Variants in C3orf33 observed in about 807,000 individuals in gnomAD.
The protein encoded by C3orf33 is AP-1 activity suppressor.
Under a neutral mutation model 28.7 loss-of-function variants are expected in C3orf33, and 23 were observed. That is an observed-to-expected ratio of 0.80 (90% confidence interval 0.58 to 1.13). The LOEUF (loss-of-function observed/expected upper bound fraction) is 1.13. Ranked by LOEUF, C3orf33 falls within the 50% of genes most tolerant of loss-of-function variation. C3orf33 has a pLI of 0.00. For missense variants in C3orf33, 327 were observed against 353.4 expected (o/e 0.93, Z 0.60); for synonymous variants, 119 against 120.5 (o/e 0.99, Z 0.08).
At chr3:155,783,721 C>T (rs1261899418) in intron 2 of C3orf33, among the ~76,000 whole-genome samples, 1 of 152,126 alleles carries the variant, frequency 6.6e-6, no homozygotes, top group African/African-American at 2.4e-5. Context: ...CCCGCTTTGG[C>T]CTCCCAAAGT....
chr3:155,792,548 G>A (rs573097293), intron 2 of C3orf33, among the ~76,000 whole-genome samples: 1 of 152,156 alleles, frequency 6.6e-6, no homozygotes, highest in South Asian at 2.1e-4. Context: ...GAGAATATTC[G>A]AAATGGCTGT....
In C3orf33 at chr3:155,769,881, T is replaced by G. The variant is rs1314035050; in HGVS notation, c.323-2212A>C. Among the ~76,000 whole-genome samples, 7 of 152,358 alleles carry G rather than the reference T, an allele frequency of 4.6e-5. No homozygotes were observed. In the East Asian group the frequency reaches 1.4e-3, roughly 29 times the overall value. On this transcript the variant is annotated intron_variant, in intron 3 of 4. Transcript: ENST00000340171. Reference sequence around the variant, plus strand: ...GAGCCTCTCTTCTTATTTGGTGCTCTTTCCTCTGATTGATCCCCAACCTCC... The same window carrying G: ...GAGCCTCTCTTCTTATTTGGTGCTCGTTCCTCTGATTGATCCCCAACCTCC...
intron 2 of C3orf33, among the ~76,000 whole-genome samples, chr3:155,776,988 T>C (rs1016138342): frequency 3.9e-5 from 6 of 152,062 alleles, no homozygotes; most frequent in African/African-American, 1.4e-4. Flanking sequence ...ATAAAATATA[T>C]AGACTATTTG....
rs1750270186 is a variant in C3orf33, at chr3:155,762,642, TAA to T, written c.*873_*874del. ...TAAAGCATAAAGAATTCCTTTATTA[TAA>T]ATAGTGAAAGGTAATAAAACTGGAA... On this transcript the variant is annotated 3_prime_UTR_variant, in exon 5 of 5. Coordinates refer to ENST00000340171, the MANE Select transcript of C3orf33 (RefSeq NM_001308229.2). 3 of 152,298 alleles carry T rather than the reference TAA, an allele frequency of 2.0e-5. No homozygotes were observed. In the South Asian group the frequency reaches 6.2e-4, roughly 32 times the overall value. The allele number at this position is 152,298 out of a possible 1,614,324, so 9.4% of individuals were successfully genotyped here.
intron 2 of C3orf33, among the ~76,000 whole-genome samples, chr3:155,791,744 T>A (rs956328784): frequency 4.6e-5 from 7 of 151,610 alleles, no homozygotes; most frequent in Non-Finnish European, 1.0e-4. Context: ...CTCTTCTGCT[T>A]GTGGAAAGGG....
rs748550366 is a variant in C3orf33, at chr3:155,767,547, C to T, written c.445G>A (p.Glu149Lys). The T allele has an allele frequency of 1.3e-6, 2 of 1,589,442 alleles. No homozygotes were observed. Among genetic ancestry groups the T allele is most frequent in the Non-Finnish European group, 1.7e-6 (2 of 1,165,068 alleles). Residue 149 changes from glutamate to lysine, a missense_variant, in exon 4 of 5, where the codon GAG becomes AAG. Coordinates refer to ENST00000340171, the MANE Select transcript of C3orf33 (RefSeq NM_001308229.2). The stretch of plus-strand genomic sequence containing the variant: ...AGATAGCAAAAGAGTGCTGAATTCT[C>T]CTTTCCAAGAAGTTGGAACCATAGT... ...QLLWFQLLGK[E>K]NSALFCYLLV...
At chr3:155,766,180 G>A (rs1358670020) in intron 4 of C3orf33, among the ~76,000 whole-genome samples, 3 of 152,116 alleles carry the variant, frequency 2.0e-5, no homozygotes, top group Non-Finnish European at 4.4e-5. Context: ...AGGCACAAGC[G>A]ACTGTACCCT....
chr3:155,772,628 C>A (rs1303150327), intron 3 of C3orf33, among the ~76,000 whole-genome samples: 1 of 151,182 alleles, frequency 6.6e-6, no homozygotes, highest in Non-Finnish European at 1.5e-5. Context: ...AATTTCCTCA[C>A]TAGACTGCAG....
chr3:155,777,430 AAACT>A (rs1750783929), intron 2 of C3orf33, among the ~76,000 whole-genome samples: 1 of 152,120 alleles, frequency 6.6e-6, no homozygotes, highest in Non-Finnish European at 1.5e-5. Flanking sequence ...ATTAAAGGAC[AAACT>A]AACATTACAG....
chr3:155,786,747 C>A (rs1751129840), intron 2 of C3orf33, among the ~76,000 whole-genome samples: 1 of 152,186 alleles, frequency 6.6e-6, no homozygotes, highest in South Asian at 2.1e-4. Flanking sequence ...AGAAGAATCA[C>A]TTGAACCTGG....
intron 2 of C3orf33, among the ~76,000 whole-genome samples, chr3:155,798,575 G>C (rs1751545793): frequency 6.6e-6 from 1 of 152,058 alleles, no homozygotes; most frequent in Admixed American, 6.6e-5. Context: ...ATACGCAAAA[G>C]AATGAAGCTA....
Position 155,762,766 on chromosome 3 carries a change from G to A in C3orf33, c.*751C>T, listed in dbSNP as rs1375680842. On this transcript the variant is annotated 3_prime_UTR_variant, in exon 5 of 5. Coordinates refer to ENST00000340171, the MANE Select transcript of C3orf33 (RefSeq NM_001308229.2). Reference sequence around the variant, plus strand: ...CTCCTGTAATCCCAGGTACTTGGGAGGCTCAGGCAGGAGAATCACTTGAAT... The same window carrying A: ...CTCCTGTAATCCCAGGTACTTGGGAAGCTCAGGCAGGAGAATCACTTGAAT... The A allele has an allele frequency of 6.6e-6, 1 of 152,180 alleles. No individual in the cohort carries two copies. The highest frequency in any genetic ancestry group is 1.5e-5 in the Non-Finnish European group (1 of 68,064). 9.4% of individuals were successfully genotyped at this position (152,180 alleles called of 1,614,324 possible).
At position 155,806,272 on chromosome 3, in the gene C3orf33, C is replaced by G; in HGVS notation, c.-20G>C. The G allele has an allele frequency of 1.4e-6, 2 of 1,395,622 alleles. No individual in the cohort carries two copies. Among genetic ancestry groups the G allele is most frequent in the Non-Finnish European group, 1.9e-6 (2 of 1,066,172 alleles). 86.5% of individuals were successfully genotyped at this position (1,395,622 alleles called of 1,614,324 possible). A position where few individuals can be genotyped will look rare whatever the true frequency, so the allele number is the denominator to read the frequency against. Reference sequence around the variant, plus strand: ...CGCCATGTTCCCGGCCTCCTGCGAGCGGCCCTGAGCTCCTCCGGCTGGCGG... The same window carrying G: ...CGCCATGTTCCCGGCCTCCTGCGAGGGGCCCTGAGCTCCTCCGGCTGGCGG... On this transcript the variant is annotated 5_prime_UTR_variant, in exon 1 of 5. Transcript: ENST00000340171.
chr3:155,773,980 G>A (rs1039922375), intron 3 of C3orf33, among the ~76,000 whole-genome samples: 31 of 152,236 alleles, frequency 2.0e-4, no homozygotes, highest in African/African-American at 7.5e-4. Context: ...TATGTTTGGG[G>A]GGGAAAATCA....
intron 2 of C3orf33, among the ~76,000 whole-genome samples, chr3:155,784,755 A>C (rs943655380): frequency 1.3e-5 from 2 of 151,126 alleles, no homozygotes; most frequent in African/African-American, 4.8e-5. Flanking sequence ...AAAATAATTA[A>C]TTAAATAAAT....
rs1403036856 is a variant in C3orf33 at position 155,767,525 on chromosome 3, T to C, written c.467A>G (p.Tyr156Cys). ...LGKENSALFCYLLVSKGGYFS... is the reference protein window; with the variant it reads ...LGKENSALFCCLLVSKGGYFS... ...ATTGCTTACCTTACTCACCAGAAGA[T>C]AGCAAAAGAGTGCTGAATTCTCCTT... Residue 156 changes from tyrosine (Y) to cysteine (C), a missense_variant, in exon 4 of 5, where the codon TAT (tyrosine) becomes TGT (cysteine). By Grantham distance (194) the Tyr-to-Cys change is radical. Coordinates refer to ENST00000340171, the MANE Select transcript of C3orf33 (RefSeq NM_001308229.2). 3.2e-6 allele frequency: 5 copies of C among 1,571,756 alleles called. No individual in the cohort carries two copies. The highest frequency in any genetic ancestry group is 3.5e-5 in the Admixed American group (2 of 56,844).
chr3:155,799,441 C>A (rs1751576608), intron 2 of C3orf33, among the ~76,000 whole-genome samples: 1 of 152,118 alleles, frequency 6.6e-6, no homozygotes, highest in Non-Finnish European at 1.5e-5. Flanking sequence ...GTAATCCCAG[C>A]ACTTTGGGAG....
At position 155,781,057 on chromosome 3, in the gene C3orf33, G is replaced by A. The variant is rs996970906; in HGVS notation, c.175-5209C>T. On this transcript the variant is annotated intron_variant, in intron 2 of 4. Transcript: ENST00000340171. ...CCAGGTGGGACTGCGGACTGCAGTG[G>A]CGCAATCTCGGCTCACTGCAAGCTC... Among the ~76,000 whole-genome samples, 25 of 150,366 alleles carry A rather than the reference G, an allele frequency of 1.7e-4. 1 individual carries two copies. Among genetic ancestry groups the A allele is most frequent in the Admixed American group, 4.0e-4 (6 of 15,186 alleles).
At chr3:155,773,694 A>T (rs550918058) in intron 3 of C3orf33, among the ~76,000 whole-genome samples, 2 of 152,314 alleles carry the variant, frequency 1.3e-5, no homozygotes, top group East Asian at 3.9e-4. Context: ...CAGGAGGCAG[A>T]TTTCTATGGA....
Sources: allele counts gnomAD v4.1 joint callset (sites outside exome capture counted in the v4.1 genomes callset), GRCh38; gene constraint gnomAD v4.1.1; transcripts MANE v1.5; gene names NCBI Gene and HGNC (gene_info 2026-07-23, HGNC 2026-07-21).